SPHKAP: variants seen among roughly 807,000 people sequenced by gnomAD.
SPHKAP encodes the protein SPHK1 interactor, AKAP domain containing, also known as A-kinase anchor protein SPHKAP.
A neutral mutation model predicts 137.5 loss-of-function variants in SPHKAP; 67 were observed. The ratio of observed to expected loss-of-function variants is 0.49; its 90% confidence interval spans 0.40 to 0.60. The LOEUF (loss-of-function observed/expected upper bound fraction) is 0.60, where lower values mean the gene tolerates loss of function less well. Among genes scored for constraint, SPHKAP ranks in the 20% least tolerant of loss-of-function variants. The pLI, the probability that SPHKAP is intolerant of heterozygous loss-of-function variation, is 0.00. For missense variants in SPHKAP, 2,097 were observed against 2,069.3 expected (o/e 1.01, Z -0.26); for synonymous variants, 813 against 785.3 (o/e 1.04, Z -0.59).
chr2:228,030,536 C>A (rs200129485), intron 3 of SPHKAP, among the ~76,000 whole-genome samples: 785 of 39,318 alleles, frequency 0.02, 1 homozygote, highest in East Asian at 0.037. Context: ...AAAAAAACAA[C>A]AAAAAACAAA....
chr2:228,030,439 G>T (rs1324845089), intron 3 of SPHKAP, among the ~76,000 whole-genome samples: 1 of 96,506 alleles, frequency 1.0e-5, no homozygotes, highest in Non-Finnish European at 2.0e-5. Flanking sequence ...GCTTGAAGCT[G>T]GGAGGCAGAG....
intron 1 of SPHKAP, chr2:228,173,111 G>A (rs1462377304): frequency 3.1e-6 from 3 of 981,206 alleles, no homozygotes; most frequent in Non-Finnish European, 3.6e-6. Flanking sequence ...TTTCAGCTCA[G>A]GCACACTGAA....
intron 1 of SPHKAP, among the ~76,000 whole-genome samples, chr2:228,142,794 C>T (rs1450963483): frequency 6.6e-6 from 1 of 152,008 alleles, no homozygotes. Context: ...ACAACAAACC[C>T]CCATGACATG....
chr2:228,038,411 TA>T (rs1285446919), intron 3 of SPHKAP, among the ~76,000 whole-genome samples: 1 of 152,120 alleles, frequency 6.6e-6, no homozygotes, highest in African/African-American at 2.4e-5. Flanking sequence ...TATGTGTGAC[TA>T]AAATGATAAA....
chr2:228,111,441 C>A (rs80088457), intron 2 of SPHKAP, among the ~76,000 whole-genome samples: 2,318 of 152,160 alleles, frequency 0.015, 28 homozygotes, highest in Non-Finnish European at 0.022. Context: ...TTGAAGGTGG[C>A]TGAAAAGGAT....
At chr2:228,171,630 G>A (rs150554256) in intron 1 of SPHKAP, among the ~76,000 whole-genome samples, 33 of 152,204 alleles carry the variant, frequency 2.2e-4, no homozygotes, top group African/African-American at 7.0e-4. Context: ...ATTTCAGAGT[G>A]GAATGAGTAT....
chr2:228,147,843 T>C (rs1238634029), intron 1 of SPHKAP, among the ~76,000 whole-genome samples: 2 of 152,184 alleles, frequency 1.3e-5, no homozygotes, highest in South Asian at 2.1e-4. Flanking sequence ...ATTTGACTAT[T>C]ACATTTCTAA....
intron 1 of SPHKAP, among the ~76,000 whole-genome samples, chr2:228,170,556 G>C (rs142529054): frequency 1.3e-5 from 2 of 152,062 alleles, no homozygotes; most frequent in African/African-American, 4.8e-5. Context: ...AGCCATCAAC[G>C]TCAAGGCAAG....
rs1163552029 is a variant in SPHKAP, at chr2:228,018,663, C to T, written c.2191G>A (p.Gly731Ser). 1.2e-6 allele frequency: 2 copies of T among 1,614,158 alleles called. No individual in the cohort carries two copies. Among genetic ancestry groups the T allele is most frequent in the Non-Finnish European group, 1.7e-6 (2 of 1,180,034 alleles). Residue 731 changes from glycine (G) to serine (S), a missense_variant, in exon 7 of 12, where the codon GGT becomes AGT. Physicochemically the swap from Gly to Ser is moderately conservative, Grantham distance 56. Transcript: ENST00000392056. ...TTAGAAAGGACAGCAGGACATTCAC[C>T]AAGCCGTACAATATGACTCATCTTC... ...FKKMSHIVRL[G>S]ECPAVLSKET...
intron 3 of SPHKAP, among the ~76,000 whole-genome samples, chr2:228,038,918 A>G (rs1240052857): frequency 6.6e-6 from 1 of 152,242 alleles, no homozygotes; most frequent in Non-Finnish European, 1.5e-5. Flanking sequence ...TACAGAAGCT[A>G]CAGGAGAATT....
At chr2:227,987,394 T>C (rs965161960) in intron 11 of SPHKAP, among the ~76,000 whole-genome samples, 1 of 152,318 alleles carries the variant, frequency 6.6e-6, no homozygotes. Context: ...CTTCTTACCT[T>C]TGGTCTGTTC....
At chr2:228,028,149 A>C (rs1233603447) in intron 3 of SPHKAP, 1 of 725,374 alleles carries the variant, frequency 1.4e-6, no homozygotes, top group African/African-American at 1.9e-5. Flanking sequence ...AAAATCTTCA[A>C]GTTTATAAGG....
At chr2:228,084,441 C>T (rs1457889474) in intron 3 of SPHKAP, among the ~76,000 whole-genome samples, 1 of 152,032 alleles carries the variant, frequency 6.6e-6, no homozygotes, top group East Asian at 1.9e-4. Context: ...AAAATAGATC[C>T]ATTCACTTCA....
chr2:228,018,869 A>G lies in SPHKAP; in HGVS notation c.1985T>C (p.Val662Ala). 6.2e-7 allele frequency: 1 copy of G among 1,614,178 alleles called. No homozygotes were observed. Among genetic ancestry groups the G allele is most frequent in the Non-Finnish European group, 8.5e-7 (1 of 1,180,038 alleles). The stretch of plus-strand genomic sequence containing the variant: ...GGTATGTGCCAGTTCATTCCTGACG[A>G]CATTTTCTGAGCACAGGGTCTGAGA... Reference protein sequence around the residue: ...SKSQTLCSENVVRNELAHTLS... With the variant: ...SKSQTLCSENAVRNELAHTLS... The change falls in exon 7 of 12, where the codon GTC becomes GCC. Residue 662 changes from valine (V) to alanine (A), a missense_variant. Coordinates refer to ENST00000392056, the MANE Select transcript of SPHKAP (RefSeq NM_001142644.2).
chr2:228,178,180 A>G (rs1700794443), intron 1 of SPHKAP, among the ~76,000 whole-genome samples: 1 of 152,214 alleles, frequency 6.6e-6, no homozygotes, highest in Admixed American at 6.5e-5. Flanking sequence ...AAAATAAAGT[A>G]TGGATTTTCA....
chr2:228,077,025 A>G (rs909278335), intron 3 of SPHKAP, among the ~76,000 whole-genome samples: 2 of 152,192 alleles, frequency 1.3e-5, no homozygotes, highest in African/African-American at 4.8e-5. Flanking sequence ...AAAGGGGCCA[A>G]TGTAGGGCTC....
At chr2:228,144,200 C>T (rs922610102) in intron 1 of SPHKAP, among the ~76,000 whole-genome samples, 22 of 152,196 alleles carry the variant, frequency 1.4e-4, no homozygotes, top group Non-Finnish European at 2.8e-4. Context: ...CAGTCTCTCC[C>T]ACCCTGATCT....
intron 3 of SPHKAP, among the ~76,000 whole-genome samples, chr2:228,107,865 A>G (rs1698392664): frequency 6.6e-6 from 1 of 152,202 alleles, no homozygotes; most frequent in South Asian, 2.1e-4. Context: ...TACGAAAAGC[A>G]GCAGAATCAT....
In SPHKAP at chr2:228,026,863, C is replaced by T. The variant is rs114582869; in HGVS notation, c.306+621G>A. Among the ~76,000 whole-genome samples, 682 of 152,240 alleles carry T rather than the reference C, an allele frequency of 4.5e-3. 12 individuals are homozygous for T. Among genetic ancestry groups the T allele is most frequent in the Middle Eastern group, 3.4e-3 (1 of 294 alleles). ...GTTCTGTGAAAATCAAGTGGCAAAT[C>T]GTGTGCTGTTATACATTAAACAGTA... On this transcript the variant is annotated intron_variant, in intron 4 of 11. Coordinates refer to ENST00000392056, the MANE Select transcript of SPHKAP (RefSeq NM_001142644.2).
Sources: gnomAD v4.1 joint callset for allele counts (sites outside exome capture counted in the v4.1 genomes callset) on GRCh38, gnomAD v4.1.1 for gene constraint, MANE v1.5 for transcripts, NCBI Gene and HGNC (gene_info 2026-07-23, HGNC 2026-07-21) for gene names.